RABGAP1L: variants seen among roughly 807,000 people sequenced by gnomAD.
RABGAP1L encodes the protein rab GTPase-activating protein 1-like.
A neutral mutation model predicts 137.7 loss-of-function variants in RABGAP1L; 63 were observed. That is an observed-to-expected ratio of 0.46 (90% CI 0.37 to 0.56). The LOEUF is 0.56. RABGAP1L is among the 20% of genes least tolerant of loss of function. The pLI, the probability that RABGAP1L is intolerant of heterozygous loss-of-function variation, is 0.00. For synonymous variants in RABGAP1L, 431 were observed against 433.7 expected (o/e 0.99, Z 0.08); for missense variants, 1,095 against 1,244.0 (o/e 0.88, Z 1.80).
intron 13 of RABGAP1L, among the ~76,000 whole-genome samples, chr1:174,394,969 C>CT (rs199887242): frequency 0.099 from 14,132 of 142,342 alleles, 834 homozygotes; most frequent in East Asian, 0.22. Flanking sequence ...TTTAATTTAA[C>CT]TTTTTTTTTT....
chr1:174,874,478 C>T, intron 19 of RABGAP1L: 14 of 983,400 alleles, frequency 1.4e-5, no homozygotes, highest in Non-Finnish European at 1.7e-5. Context: ...TGGCTGGTTT[C>T]TGTTGCCTGT....
At chr1:174,260,380 G>A (rs1245943521) in intron 7 of RABGAP1L, among the ~76,000 whole-genome samples, 1 of 152,220 alleles carries the variant, frequency 6.6e-6, no homozygotes, top group Non-Finnish European at 1.5e-5. Flanking sequence ...GAACTTAGAT[G>A]TTAGGGCATT....
chr1:174,647,957 T>C (rs1675127141), intron 14 of RABGAP1L, among the ~76,000 whole-genome samples: 1 of 152,152 alleles, frequency 6.6e-6, no homozygotes, highest in African/African-American at 2.4e-5. Flanking sequence ...ATTCAGGAAT[T>C]CATCCATTTC....
At chr1:174,532,738 C>A (rs1326660463) in intron 13 of RABGAP1L, among the ~76,000 whole-genome samples, 1 of 151,894 alleles carries the variant, frequency 6.6e-6, no homozygotes, top group African/African-American at 2.4e-5. Flanking sequence ...AATATCTCAT[C>A]CAGATAGTGT....
chr1:174,986,222 A>T (rs1188248533), intron 24 of RABGAP1L, among the ~76,000 whole-genome samples: 1 of 117,320 alleles, frequency 8.5e-6, no homozygotes, highest in Non-Finnish European at 1.5e-5. Context: ...TGCTGGGATT[A>T]ACGGGCATGA....
At chr1:174,698,678 A>G (rs999969146) in intron 15 of RABGAP1L, among the ~76,000 whole-genome samples, 4 of 152,046 alleles carry the variant, frequency 2.6e-5, no homozygotes, top group African/African-American at 9.7e-5. Context: ...TTGCTTTTAA[A>G]AAAATAAAGA....
intron 13 of RABGAP1L, among the ~76,000 whole-genome samples, chr1:174,462,504 T>A (rs952349918): frequency 6.6e-6 from 1 of 152,166 alleles, no homozygotes; most frequent in Non-Finnish European, 1.5e-5. Flanking sequence ...TCATTAAACT[T>A]TTGACTTCTG....
chr1:174,579,720 G>A (rs1489477820), intron 13 of RABGAP1L, among the ~76,000 whole-genome samples: 1 of 152,166 alleles, frequency 6.6e-6, no homozygotes, highest in African/African-American at 2.4e-5. Flanking sequence ...AGACTGTGAT[G>A]CTCTTCGAAG....
Position 174,364,048 on chromosome 1 carries a change from T to A in RABGAP1L, c.1466-6931T>A, listed in dbSNP as rs187870506. On this transcript the variant is annotated intron_variant, in intron 11 of 25. Coordinates refer to ENST00000681986, the MANE Select transcript of RABGAP1L (RefSeq NM_001366446.1). ...TTTTGGTATCAGGGTAATACTGACCTTCTAGAGTAAGTCTGGAAGTATTCC... is the reference window on the plus strand; with the variant it reads ...TTTTGGTATCAGGGTAATACTGACCATCTAGAGTAAGTCTGGAAGTATTCC... Among the ~76,000 whole-genome samples the A allele has an allele frequency of 2.7e-3, 405 of 151,922 alleles. 6 individuals carry two copies. The highest frequency in any genetic ancestry group is 0.025 in the Admixed American group (384 of 15,240).
At chr1:174,674,342 G>GT (rs1381434705) in intron 14 of RABGAP1L, among the ~76,000 whole-genome samples, 1 of 147,536 alleles carries the variant, frequency 6.8e-6, no homozygotes, top group East Asian at 2.0e-4. Context: ...GTGGTGTTTG[G>GT]TTTTTTGTCC....
At chr1:174,507,106 A>G (rs966964802) in intron 13 of RABGAP1L, among the ~76,000 whole-genome samples, 10 of 152,236 alleles carry the variant, frequency 6.6e-5, no homozygotes, top group Admixed American at 3.3e-4. Context: ...AATTTAAGGA[A>G]CAATGTTTGA....
At chr1:174,351,767 G>A (rs1248543582) in intron 11 of RABGAP1L, among the ~76,000 whole-genome samples, 1 of 148,212 alleles carries the variant, frequency 6.7e-6, no homozygotes, top group Non-Finnish European at 1.5e-5. Context: ...CTTTCTCTAC[G>A]TTTGGGAAGT....
At chr1:174,170,776 A>G (rs370369855) in intron 1 of RABGAP1L, among the ~76,000 whole-genome samples, 6 of 151,910 alleles carry the variant, frequency 3.9e-5, no homozygotes, top group South Asian at 2.1e-4. Context: ...TGTATTGACA[A>G]TCTTTAAATG....
At chr1:174,405,822 A>G (rs1186335642) in intron 13 of RABGAP1L, among the ~76,000 whole-genome samples, 1 of 151,984 alleles carries the variant, frequency 6.6e-6, no homozygotes, top group African/African-American at 2.4e-5. Flanking sequence ...TACAAAAAAT[A>G]CAAAAATTAA....
intron 13 of RABGAP1L, among the ~76,000 whole-genome samples, chr1:174,609,590 C>T (rs1441769207): frequency 1.3e-5 from 2 of 152,104 alleles, no homozygotes; most frequent in Admixed American, 6.6e-5. Context: ...TCCAGAGGTA[C>T]ACTGAATGGG....
At chr1:174,451,543 G>A (rs190321878) in intron 13 of RABGAP1L, among the ~76,000 whole-genome samples, 10 of 152,222 alleles carry the variant, frequency 6.6e-5, no homozygotes, top group African/African-American at 9.6e-5. Context: ...ATGATTATTC[G>A]TCAGTTAACT....
chr1:174,358,073 C>T lies in RABGAP1L; in HGVS notation c.1466-12906C>T, dbSNP rs553245916. 3.9e-5 allele frequency among the ~76,000 whole-genome samples: 6 copies of T among 152,178 alleles called. No homozygotes were observed. In the East Asian group the frequency reaches 5.8e-4, roughly 15 times the overall value. ...TTGGAACTGGGCTTCAAATCTAGGCCGTTTGGCTTTGGGACCTATGCATTA... is the reference window on the plus strand; with the variant it reads ...TTGGAACTGGGCTTCAAATCTAGGCTGTTTGGCTTTGGGACCTATGCATTA... On this transcript the variant is annotated intron_variant, in intron 11 of 25. Transcript: ENST00000681986.
At chr1:174,273,237 CT>C (rs1274673100) in intron 8 of RABGAP1L, among the ~76,000 whole-genome samples, 5 of 151,650 alleles carry the variant, frequency 3.3e-5, no homozygotes, top group Non-Finnish European at 7.4e-5. Context: ...ATTAGGTCAA[CT>C]TTTTTTTGAG....
intron 19 of RABGAP1L, chr1:174,877,716 A>G (rs1053773733): frequency 8.4e-6 from 9 of 1,074,466 alleles, no homozygotes; most frequent in Non-Finnish European, 5.4e-6. Context: ...TGTTATGTCT[A>G]CAGGTTTTCA....
Sources: allele counts gnomAD v4.1 joint callset (sites outside exome capture counted in the v4.1 genomes callset), GRCh38; gene constraint gnomAD v4.1.1; transcripts MANE v1.5; gene names NCBI Gene and HGNC (gene_info 2026-07-23, HGNC 2026-07-21).